CTNNA3: variants seen among roughly 807,000 people sequenced by gnomAD.
CTNNA3 encodes catenin alpha-3.
CTNNA3 carries 76 observed loss-of-function variants against 95.7 expected under a neutral mutation model. The ratio of observed to expected loss-of-function variants is 0.79; its 90% confidence interval spans 0.66 to 0.96. The LOEUF (loss-of-function observed/expected upper bound fraction) is 0.96, where lower values mean the gene tolerates loss of function less well. CTNNA3 is among the 40% of genes least tolerant of loss of function. The pLI is 0.00. For missense variants in CTNNA3, 1,191 were observed against 1,089.8 expected (o/e 1.09, Z -1.31); for synonymous variants, 431 against 374.4 (o/e 1.15, Z -1.74).
intron 11 of CTNNA3, among the ~76,000 whole-genome samples, chr10:66,483,494 T>C (rs1024181752): frequency 2.6e-5 from 4 of 152,218 alleles, no homozygotes; most frequent in African/African-American, 9.6e-5. Flanking sequence ...AACTAAGTTT[T>C]ACTTATTAAA....
At chr10:67,615,291 A>G (rs1377160563) in intron 2 of CTNNA3, among the ~76,000 whole-genome samples, 2 of 152,204 alleles carry the variant, frequency 1.3e-5, no homozygotes, top group Admixed American at 1.3e-4. Flanking sequence ...CTCCAATTCC[A>G]CCAGCCCTCT....
chr10:66,525,789 A>C (rs1397733861), intron 10 of CTNNA3, among the ~76,000 whole-genome samples: 1 of 152,196 alleles, frequency 6.6e-6, no homozygotes, highest in African/African-American at 2.4e-5. Flanking sequence ...TTCTGTACTC[A>C]TTAAACAATA....
chr10:66,777,847 C>G (rs1482225955), intron 7 of CTNNA3, among the ~76,000 whole-genome samples: 1 of 150,844 alleles, frequency 6.6e-6, no homozygotes, highest in African/African-American at 2.4e-5. Context: ...TGGGAGACTC[C>G]TGTTGTGTTG....
intron 1 of CTNNA3, among the ~76,000 whole-genome samples, chr10:67,745,235 G>A (rs1168352404): frequency 1.3e-5 from 2 of 151,880 alleles, no homozygotes; most frequent in Admixed American, 6.6e-5. Context: ...CACTATTCAC[G>A]ATAGCCAAGA....
chr10:66,854,884 C>T (rs1843632174), intron 7 of CTNNA3, among the ~76,000 whole-genome samples: 1 of 151,650 alleles, frequency 6.6e-6, no homozygotes, highest in Non-Finnish European at 1.5e-5. Flanking sequence ...AGAATTATGG[C>T]CCTGGATACT....
chr10:66,847,565 C>T (rs1466371061), intron 7 of CTNNA3, among the ~76,000 whole-genome samples: 1 of 152,046 alleles, frequency 6.6e-6, no homozygotes, highest in Non-Finnish European at 1.5e-5. Context: ...TTCAATTCCT[C>T]ATCATTAAAA....
chr10:67,140,006 T>A (rs1860479521), intron 7 of CTNNA3, among the ~76,000 whole-genome samples: 1 of 152,328 alleles, frequency 6.6e-6, no homozygotes, highest in Admixed American at 6.5e-5. Flanking sequence ...GTGCTTTAAT[T>A]CTTCAAGCAA....
At chr10:66,981,043 T>A (rs900449920) in intron 7 of CTNNA3, among the ~76,000 whole-genome samples, 23 of 152,112 alleles carry the variant, frequency 1.5e-4, no homozygotes, top group African/African-American at 5.3e-4. Flanking sequence ...AGTAGCTGGA[T>A]TACAGGCATG....
chr10:66,011,933 G>A (rs1319451296), intron 15 of CTNNA3, among the ~76,000 whole-genome samples: 1 of 152,302 alleles, frequency 6.6e-6, no homozygotes, highest in Middle Eastern at 3.4e-3. Context: ...ACAAGAATAA[G>A]GCTGGGGCCC....
rs558103761 is a variant in CTNNA3, at chr10:66,893,645, A to G, written c.1048-118121T>C. 2.0e-5 allele frequency among the ~76,000 whole-genome samples: 3 copies of G among 152,276 alleles called. No individual in the cohort carries two copies. In the South Asian group the frequency reaches 6.2e-4, roughly 32 times the overall value. ...AAAGTAAGATTTACAAGATAAGATT[A>G]GAGAATTGTTTACTCTGTCCAGCAA... On this transcript the variant is annotated intron_variant, in intron 7 of 17. Coordinates refer to ENST00000433211, the MANE Select transcript of CTNNA3 (RefSeq NM_013266.4).
chr10:65,963,112 C>T (rs757297152), intron 17 of CTNNA3, among the ~76,000 whole-genome samples: 10 of 152,148 alleles, frequency 6.6e-5, no homozygotes, highest in Non-Finnish European at 1.3e-4. Flanking sequence ...AAAATGTTAA[C>T]TTTGAAATAC....
At chr10:67,505,228 T>C (rs1047189360) in intron 5 of CTNNA3, among the ~76,000 whole-genome samples, 2 of 152,224 alleles carry the variant, frequency 1.3e-5, no homozygotes, top group African/African-American at 2.4e-5. Flanking sequence ...TGAAATTGGA[T>C]ACTTACCAGA....
At chr10:66,857,171 T>C (rs1426958003) in intron 7 of CTNNA3, among the ~76,000 whole-genome samples, 1 of 152,066 alleles carries the variant, frequency 6.6e-6, no homozygotes, top group East Asian at 1.9e-4. Flanking sequence ...CCTTACCTCA[T>C]TGCTTGTTTT....
chr10:67,602,677 T>G (rs1843123951), intron 3 of CTNNA3, among the ~76,000 whole-genome samples: 1 of 152,142 alleles, frequency 6.6e-6, no homozygotes, highest in South Asian at 2.1e-4. Flanking sequence ...TTAACTTACT[T>G]AAAAACAAAG....
intron 9 of CTNNA3, among the ~76,000 whole-genome samples, chr10:66,625,968 A>G (rs1266713322): frequency 6.6e-6 from 1 of 152,072 alleles, no homozygotes; most frequent in African/African-American, 2.4e-5. Context: ...TGAAACAGAT[A>G]TTTTGAGATG....
At chr10:66,941,874 A>T (rs1361253949) in intron 7 of CTNNA3, among the ~76,000 whole-genome samples, 2 of 152,222 alleles carry the variant, frequency 1.3e-5, no homozygotes. Flanking sequence ...GACCTAAAAA[A>T]ACCACTTTAA....
chr10:67,432,650 A>C (rs961524412), intron 5 of CTNNA3, among the ~76,000 whole-genome samples: 1 of 152,012 alleles, frequency 6.6e-6, no homozygotes, highest in Non-Finnish European at 1.5e-5. Context: ...TTGCATTTAG[A>C]TCCCAACCAG....
At chr10:66,097,283 A>G (rs973257332) in intron 14 of CTNNA3, among the ~76,000 whole-genome samples, 4 of 152,162 alleles carry the variant, frequency 2.6e-5, no homozygotes, top group Non-Finnish European at 5.9e-5. Context: ...AGAGATTTGT[A>G]TTTACAAAGC....
At chr10:67,288,722 C>T (rs938511508) in intron 5 of CTNNA3, among the ~76,000 whole-genome samples, 1 of 152,172 alleles carries the variant, frequency 6.6e-6, no homozygotes, top group African/African-American at 2.4e-5. Flanking sequence ...AAGATTACCT[C>T]CTTGTGACCT....
Sources: allele counts gnomAD v4.1 joint callset (sites outside exome capture counted in the v4.1 genomes callset), GRCh38; gene constraint gnomAD v4.1.1; transcripts MANE v1.5; gene names NCBI Gene and HGNC (gene_info 2026-07-23, HGNC 2026-07-21).